The following GID4 variants were observed in gnomAD, a reference collection of about 807,000 sequenced individuals.
GID4 encodes glucose-induced degradation protein 4 homolog.
In GID4, 7 loss-of-function variants were observed where a neutral mutation model predicts 32.4. The observed-to-expected ratio is 0.22, with a 90% CI of 0.12 to 0.41. The LOEUF is 0.41. Among genes scored for constraint, GID4 ranks in the 10% least tolerant of loss-of-function variants. The pLI, the probability that GID4 is intolerant of heterozygous loss-of-function variation, is 1.00. For missense variants in GID4, 309 were observed against 400.0 expected, an observed-to-expected ratio of 0.77 and a Z score of 1.94; for synonymous variants, 166 against 170.0, an observed-to-expected ratio of 0.98 and a Z score of 0.18.
intron 1 of GID4, among the ~76,000 whole-genome samples, chr17:18,040,854 C>CCCCCATTT (rs2044792449): frequency 6.6e-6 from 1 of 152,164 alleles, no homozygotes; most frequent in African/African-American, 2.4e-5. Context: ...AGTTCATGTC[C>CCCCCATTT]AGTCGCCTCC....
chr17:18,064,730 A>G (rs2045045521), intron 5 of GID4, among the ~76,000 whole-genome samples: 1 of 152,226 alleles, frequency 6.6e-6, no homozygotes, highest in African/African-American at 2.4e-5. Flanking sequence ...GGCAGTAGTG[A>G]AATGAATTTT....
rs192426094 is a variant in GID4 at position 18,040,024 on chromosome 17, C to T, written c.438+122C>T. ...CCTCGCCGCCGGGGCCTCCTGCACC[C>T]GGCGCTTCCCACCCGGGACCTTCCC... On this transcript the variant is annotated intron_variant, in intron 1 of 5. Transcript: ENST00000268719. 3,435 of 1,217,782 alleles carry T rather than the reference C, an allele frequency of 2.8e-3. 5 individuals are homozygous for T. Among genetic ancestry groups the T allele is most frequent in the Non-Finnish European group, 3.4e-3 (3,302 of 971,058 alleles). 75.4% of individuals were successfully genotyped at this position (1,217,782 alleles called of 1,614,324 possible). A position where few individuals can be genotyped will look rare whatever the true frequency, so the allele number is the denominator to read the frequency against.
chr17:18,067,194 T>C lies in GID4; in HGVS notation c.*1951T>C, dbSNP rs2045071984. ...TCCTGCCGTACGTGCCATTCCACTC[T>C]CTTCAGCTCTCCCCTCAACAGCATG... On this transcript the variant is annotated 3_prime_UTR_variant, in exon 6 of 6. Coordinates refer to ENST00000268719, the MANE Select transcript of GID4 (RefSeq NM_024052.5). 6.6e-6 allele frequency: 1 copy of C among 152,268 alleles called. No homozygotes were observed. The highest frequency in any genetic ancestry group is 1.5e-5 in the Non-Finnish European group (1 of 68,136). 9.4% of individuals were successfully genotyped at this position (152,268 alleles called of 1,614,324 possible).
At chr17:18,046,968 C>T (rs1352904493) in intron 2 of GID4, among the ~76,000 whole-genome samples, 14 of 149,510 alleles carry the variant, frequency 9.4e-5, no homozygotes, top group South Asian at 2.1e-4. Flanking sequence ...CTAAGACAAT[C>T]AGTGGACTTG....
At chr17:18,049,645 CTT>C (rs879294149) in intron 2 of GID4, among the ~76,000 whole-genome samples, 1 of 146,948 alleles carries the variant, frequency 6.8e-6, no homozygotes. Context: ...TTCTTCCCTT[CTT>C]TTTTTTTTTG....
At chr17:18,056,803 AG>A in intron 3 of GID4, 1 of 1,550,586 alleles carries the variant, frequency 6.4e-7, no homozygotes, top group Non-Finnish European at 8.7e-7. Context: ...CTGGCATGTG[AG>A]GTGTGGTTGA....
intron 2 of GID4, among the ~76,000 whole-genome samples, chr17:18,048,105 G>C (rs1246292519): frequency 6.6e-6 from 1 of 151,826 alleles, no homozygotes; most frequent in East Asian, 1.9e-4. Context: ...GTTTCACCGT[G>C]TTAGCCAGGA....
chr17:18,047,464 A>C (rs1337907196), intron 2 of GID4, among the ~76,000 whole-genome samples: 1 of 152,244 alleles, frequency 6.6e-6, no homozygotes, highest in Non-Finnish European at 1.5e-5. Flanking sequence ...AATCTTGAAG[A>C]AGTATACAGA....
At position 18,067,782 on chromosome 17, in the gene GID4, C is replaced by G. The variant is rs2045080432; in HGVS notation, c.*2539C>G. 6.6e-6 allele frequency: 1 copy of G among 152,662 alleles called. No individual in the cohort carries two copies. Among genetic ancestry groups the G allele is most frequent in the African/African-American group, 2.4e-5 (1 of 41,446 alleles). 9.5% of individuals were successfully genotyped at this position (152,662 alleles called of 1,614,324 possible). On this transcript the variant is annotated 3_prime_UTR_variant, in exon 6 of 6. Coordinates refer to ENST00000268719, the MANE Select transcript of GID4 (RefSeq NM_024052.5). ...TTAGTGCAGATTGCAGATGTTCTGT[C>G]TTCCATCCCAAACAAGCCTGCCATG...
chr17:18,053,763 G>A (rs2044937789), intron 2 of GID4, among the ~76,000 whole-genome samples: 1 of 152,142 alleles, frequency 6.6e-6, no homozygotes, highest in African/African-American at 2.4e-5. Flanking sequence ...AGCCTCTTTG[G>A]GTCTAACCTT....
chr17:18,045,402 G>A (rs2955354), intron 2 of GID4, among the ~76,000 whole-genome samples, 196 bp downstream of exon 2: 1 of 151,880 alleles, frequency 6.6e-6, no homozygotes, highest in South Asian at 2.1e-4. Flanking sequence ...ATTCACAAAT[G>A]TTTTAAAGAA....
chr17:18,064,205 C>T (rs975922288), intron 5 of GID4, among the ~76,000 whole-genome samples: 1 of 152,102 alleles, frequency 6.6e-6, no homozygotes, highest in Non-Finnish European at 1.5e-5. Flanking sequence ...CTAGGTCATA[C>T]GGTATTGCTA....
intron 2 of GID4, among the ~76,000 whole-genome samples, chr17:18,052,853 A>G (rs2044925746): frequency 6.6e-6 from 1 of 152,062 alleles, no homozygotes; most frequent in African/African-American, 2.4e-5. Flanking sequence ...TTTTTAGTTC[A>G]TATGTTTTTC....
intron 2 of GID4, among the ~76,000 whole-genome samples, chr17:18,053,698 C>T (rs1294645862): frequency 6.6e-6 from 1 of 152,136 alleles, no homozygotes; most frequent in Admixed American, 6.5e-5. Context: ...ATGACTGAGC[C>T]AGTTGGAGAA....
Position 18,039,408 on chromosome 17 carries a change from G to C in GID4, c.-57G>C, listed in dbSNP as rs901607230. On this transcript the variant is annotated 5_prime_UTR_variant, in exon 1 of 6. Transcript: ENST00000268719. The surrounding 1 kb of genome is among the most constrained non-coding windows in gnomAD (Gnocchi z 5.3). ...CTGAGCCAATCGGAAGGGGCGGGGT[G>C]TGTGTGTGTCTGTGTGTGTTTGTGT... 1.6e-6 allele frequency: 2 copies of C among 1,243,760 alleles called. No individual in the cohort carries two copies. The highest frequency in any genetic ancestry group is 2.6e-5 in the East Asian group (1 of 38,474). 77.0% of individuals were successfully genotyped at this position (1,243,760 alleles called of 1,614,324 possible). A position where few individuals can be genotyped will look rare whatever the true frequency, so the allele number is the denominator to read the frequency against.
intron 3 of GID4, chr17:18,056,837 G>A: frequency 6.4e-7 from 1 of 1,550,580 alleles, no homozygotes; most frequent in Non-Finnish European, 8.7e-7. Context: ...AACCTATGGA[G>A]TGCTTCCTCC....
At chr17:18,042,461 G>A (rs1175246218) in intron 1 of GID4, among the ~76,000 whole-genome samples, 1 of 152,118 alleles carries the variant, frequency 6.6e-6, no homozygotes, top group Non-Finnish European at 1.5e-5. Flanking sequence ...TCATCCATAT[G>A]GTAATATGTA....
At chr17:18,052,200 G>A (rs2044917781) in intron 2 of GID4, among the ~76,000 whole-genome samples, 1 of 152,060 alleles carries the variant, frequency 6.6e-6, no homozygotes, top group South Asian at 2.1e-4. Context: ...TCCAGCAACA[G>A]TGTTAGGATA....
At position 18,041,795 on chromosome 17, in the gene GID4, G is replaced by A. The variant is rs2044806212; in HGVS notation, c.438+1893G>A. The stretch of plus-strand genomic sequence containing the variant: ...ACTGCAGCAACTGCTGCTCCCTTCT[G>A]TCATTAGGGTATCACTTCTGAGCTC... On this transcript the variant is annotated intron_variant, in intron 1 of 5. Coordinates refer to ENST00000268719, the MANE Select transcript of GID4 (RefSeq NM_024052.5). Among the ~76,000 whole-genome samples the A allele has an allele frequency of 2.0e-5, 3 of 152,232 alleles. No individual in the cohort carries two copies. In the South Asian group the frequency reaches 6.2e-4, roughly 32 times the overall value.
Sources: allele counts gnomAD v4.1 joint callset (sites outside exome capture counted in the v4.1 genomes callset), GRCh38; gene constraint gnomAD v4.1.1; non-coding constraint Gnocchi (gnomAD v3.1); transcripts MANE v1.5; gene names NCBI Gene and HGNC (gene_info 2026-07-23, HGNC 2026-07-21).